Variants in DPP3 observed in about 807,000 individuals in gnomAD.
DPP3 encodes the protein DPP III.
Under a neutral mutation model 89.8 loss-of-function variants are expected in DPP3, and 64 were observed. The observed-to-expected ratio is 0.71, with a 90% CI of 0.58 to 0.88. The LOEUF is 0.88. Among genes scored for constraint, DPP3 ranks in the 40% least tolerant of loss-of-function variants. DPP3 has a pLI of 0.00. For synonymous variants in DPP3, 377 were observed against 404.3 expected, an observed-to-expected ratio of 0.93 and a Z score of 0.81; for missense variants, 835 against 972.5, an observed-to-expected ratio of 0.86 and a Z score of 1.88.
chr11:66,496,349 C>A (rs1462778709), intron 15 of DPP3, among the ~76,000 whole-genome samples: 1 of 152,110 alleles, frequency 6.6e-6, no homozygotes, highest in Non-Finnish European at 1.5e-5. Context: ...CGGGTTCAAG[C>A]AATTCTGCCT....
chr11:66,506,098 G>A (rs907448609), intron 17 of DPP3, among the ~76,000 whole-genome samples: 2 of 151,956 alleles, frequency 1.3e-5, no homozygotes, highest in East Asian at 1.9e-4. Flanking sequence ...ACAGGCGCCC[G>A]CCACCACACC....
rs11550303 is a variant in DPP3 at position 66,491,569 on chromosome 11, G to A, written c.874G>A (p.Ala292Thr). Residue 292 changes from alanine to threonine, a missense_variant, in exon 8 of 18, where the codon GCC (alanine) becomes ACC (threonine). Transcript: ENST00000531863. The part of the protein sequence containing the change: ...IESFTQGSIE[A>T]HKRGSRFWIQ... ...GAGCTTCACCCAGGGCTCCATCGAG[G>A]CCCACAAGAGGGGCTCCCGCTTCTG... 1 of 1,613,868 alleles carries A rather than the reference G, an allele frequency of 6.2e-7. No individual in the cohort carries two copies. Among genetic ancestry groups the A allele is most frequent in the South Asian group, 1.1e-5 (1 of 91,054 alleles).
chr11:66,483,405 T>C (rs1855140856), intron 2 of DPP3, among the ~76,000 whole-genome samples: 1 of 152,216 alleles, frequency 6.6e-6, no homozygotes, highest in Non-Finnish European at 1.5e-5. Context: ...TTCCTTATTT[T>C]CTTTTTTATA....
At chr11:66,482,553 G>A (rs1855117820) in intron 2 of DPP3, 83 bp downstream of exon 2, 3 of 1,548,940 alleles carry the variant, frequency 1.9e-6, no homozygotes, top group Non-Finnish European at 2.6e-6. Flanking sequence ...TCTCTTTCAA[G>A]GGGTAGGTGG....
intron 16 of DPP3, among the ~76,000 whole-genome samples, chr11:66,500,932 T>C (rs568170435): frequency 7.9e-5 from 12 of 152,124 alleles, no homozygotes; most frequent in Non-Finnish European, 7.4e-5. Flanking sequence ...CTCACACCTG[T>C]AATCCCAGCA....
At chr11:66,493,281 C>A in intron 11 of DPP3, 102 bp downstream of exon 11, 1 of 1,052,934 alleles carries the variant, frequency 9.5e-7, no homozygotes, top group Non-Finnish European at 1.4e-6. Context: ...CACATAGCTT[C>A]AGTCCTGGCT....
rs1855240478 is a variant in DPP3 at position 66,486,733 on chromosome 11, AC to A, written c.498+58del. On this transcript the variant is annotated intron_variant, in intron 4 of 17. Coordinates refer to ENST00000531863, the MANE Select transcript of DPP3 (RefSeq NM_130443.4). The stretch of plus-strand genomic sequence containing the variant: ...GGAGTGGAGGGAATCCTTCAAGGCC[AC>A]CTGGTAAGGAGGGAAGGACACGGGA... 2.8e-6 allele frequency: 4 copies of A among 1,430,482 alleles called. No individual in the cohort carries two copies. In the South Asian group the frequency reaches 6.5e-5, roughly 23 times the overall value. 88.6% of individuals were successfully genotyped at this position (1,430,482 alleles called of 1,614,324 possible).
intron 9 of DPP3, 87 bp downstream of exon 9, chr11:66,491,843 C>T (rs965718301): frequency 2.8e-6 from 4 of 1,428,376 alleles, no homozygotes; most frequent in Non-Finnish European, 3.9e-6. Flanking sequence ...GTTCTCCCCA[C>T]CCCCGCTCAG....
intron 16 of DPP3, among the ~76,000 whole-genome samples, chr11:66,502,226 C>A (rs183399443): frequency 6.6e-6 from 1 of 152,000 alleles, no homozygotes; most frequent in East Asian, 1.9e-4. Flanking sequence ...TAGTGGTTTC[C>A]TTAGATGGGG....
chr11:66,504,813 G>T, intron 17 of DPP3, 39 bp downstream of exon 17: 1 of 1,577,130 alleles, frequency 6.3e-7, no homozygotes, highest in South Asian at 1.2e-5. Flanking sequence ...CTCCCTTGAT[G>T]AGCACCACAC....
chr11:66,495,644 A>G lies in DPP3; in HGVS notation c.1592A>G (p.Glu531Gly), dbSNP rs1449608169. ...HPQVLEIFGFEGADAEDVIYV... is the reference protein window; with the variant it reads ...HPQVLEIFGFGGADAEDVIYV... Reference sequence around the variant, plus strand: ...CCCTCTCACAGGATCTTTGGCTTTGAGGGGGCTGATGCGGAGGACGTGATC... The same window carrying G: ...CCCTCTCACAGGATCTTTGGCTTTGGGGGGGCTGATGCGGAGGACGTGATC... Residue 531 changes from glutamate (E) to glycine (G), a missense_variant, in exon 15 of 18, where the codon GAG (glutamate) becomes GGG (glycine). By Grantham distance (98) the Glu-to-Gly change is moderately conservative. Coordinates refer to ENST00000531863, the MANE Select transcript of DPP3 (RefSeq NM_130443.4). 6.2e-7 allele frequency: 1 copy of G among 1,614,064 alleles called. No individual in the cohort carries two copies. The highest frequency in any genetic ancestry group is 1.7e-5 in the Admixed American group (1 of 60,008).
rs761716788 is a variant in DPP3, at chr11:66,491,488, C to T, written c.799-6C>T. 11 of 1,606,320 alleles carry T rather than the reference C, an allele frequency of 6.8e-6. No individual in the cohort carries two copies. The South Asian group carries it at 1.2e-4, about 18-fold the overall frequency. Reference sequence around the variant, plus strand: ...CCCGAGGCTGACCGACCCCCGCTCACCTCAGGCCTATGCAGCCAACAGCCA... The same window carrying T: ...CCCGAGGCTGACCGACCCCCGCTCATCTCAGGCCTATGCAGCCAACAGCCA... On this transcript the variant is annotated splice_region_variant and splice_polypyrimidine_tract_variant and intron_variant, in intron 7 of 17. Transcript: ENST00000531863.
In DPP3 at chr11:66,482,356, C is replaced by T; in HGVS notation, c.156C>T (p.Thr52=). ...WYGGLAVLLQ[T]SPEAPYIYAL... is the part of the protein sequence containing the mutation. Reference sequence around the variant, plus strand: ...GAGGCCTGGCTGTGCTGCTTCAGACCTCCCCTGAGGCCCCCTACATCTATG... The same window carrying T: ...GAGGCCTGGCTGTGCTGCTTCAGACTTCCCCTGAGGCCCCCTACATCTATG... The change falls in exon 2 of 18, where the codon ACC becomes ACT. Residue 52 remains threonine, a synonymous_variant. Coordinates refer to ENST00000531863, the MANE Select transcript of DPP3 (RefSeq NM_130443.4). 6.2e-7 allele frequency: 1 copy of T among 1,613,234 alleles called. No homozygotes were observed. Among genetic ancestry groups the T allele is most frequent in the Non-Finnish European group, 8.5e-7 (1 of 1,180,040 alleles).
intron 3 of DPP3, 112 bp downstream of exon 3, chr11:66,485,374 G>A (rs1855198474): frequency 9.5e-7 from 1 of 1,049,780 alleles, no homozygotes; most frequent in Admixed American, 2.0e-5. Flanking sequence ...AGCAGAGCAT[G>A]GACCCTGTCG....
At position 66,509,182 on chromosome 11, in the gene DPP3, C is replaced by T. The variant is rs1201406034; in HGVS notation, c.2145C>T (p.Leu715=). The part of the protein sequence containing the change: ...PEDGPELEEI[L]TQLATADARF... ...ATGGACCCGAGTTGGAGGAGATCCT[C>T]ACACAGCTGGCCACAGCCGATGCCC... Residue 715 remains leucine (L), a synonymous_variant, in exon 18 of 18, where the codon CTC becomes CTT. Coordinates refer to ENST00000531863, the MANE Select transcript of DPP3 (RefSeq NM_130443.4). 10 of 1,614,206 alleles carry T rather than the reference C, an allele frequency of 6.2e-6. No individual in the cohort carries two copies. The highest frequency in any genetic ancestry group is 7.6e-6 in the Non-Finnish European group (9 of 1,180,046).
chr11:66,493,909 C>T (rs888740613), intron 12 of DPP3, among the ~76,000 whole-genome samples: 14 of 152,178 alleles, frequency 9.2e-5, no homozygotes, highest in Admixed American at 4.6e-4. Flanking sequence ...GAGGGCCCTT[C>T]GGGACAGTTC....
At position 66,480,475 on chromosome 11, in the gene DPP3, G is replaced by A. The variant is rs932830467; in HGVS notation, c.-9+10G>A. ...GGAGCAGCTGCTGCAGGTGAGGCGC[G>A]GCGCCTGGGCTTTTGGGGTCAAAGC... On this transcript the variant is annotated intron_variant, in intron 1 of 17. Coordinates refer to ENST00000531863, the MANE Select transcript of DPP3 (RefSeq NM_130443.4). 40 of 1,487,144 alleles carry A rather than the reference G, an allele frequency of 2.7e-5. No individual in the cohort carries two copies. The highest frequency in any genetic ancestry group is 3.1e-5 in the Non-Finnish European group (35 of 1,126,342). The allele number at this position is 1,487,144 out of a possible 1,614,324, so 92.1% of individuals were successfully genotyped here. A position where few individuals can be genotyped will look rare whatever the true frequency, so the allele number is the denominator to read the frequency against.
At chr11:66,494,761 G>A (rs1372861369) in intron 12 of DPP3, among the ~76,000 whole-genome samples, 1 of 152,174 alleles carries the variant, frequency 6.6e-6, no homozygotes, top group Admixed American at 6.5e-5. Flanking sequence ...TTCAAAGGAT[G>A]CTGCATGAAA....
intron 9 of DPP3, chr11:66,492,452 G>A: frequency 2.3e-6 from 1 of 438,510 alleles, no homozygotes. Flanking sequence ...GCACACACCT[G>A]TTGGGGCTCA....
Sources: gnomAD v4.1 joint callset for allele counts (sites outside exome capture counted in the v4.1 genomes callset) on GRCh38, gnomAD v4.1.1 for gene constraint, MANE v1.5 for transcripts, NCBI Gene and HGNC (gene_info 2026-07-23, HGNC 2026-07-21) for gene names.